The following ABCA12 variants were observed in gnomAD, a reference collection of about 807,000 sequenced individuals.
The protein encoded by ABCA12 is glucosylceramide transporter ABCA12.
ABCA12 carries 156 observed loss-of-function variants against 293.5 expected under a neutral mutation model. The observed-to-expected ratio is 0.53, with a 90% CI of 0.47 to 0.61. ABCA12 has a LOEUF of 0.61. ABCA12 is among the 20% of genes least tolerant of loss of function. The pLI is 0.00. For missense variants in ABCA12, 2,797 were observed against 3,090.2 expected (o/e 0.91, Z 2.25); for synonymous variants, 1,063 against 1,108.0 (o/e 0.96, Z 0.81).
chr2:215,017,747 G>T, intron 14 of ABCA12: 1 of 432,780 alleles, frequency 2.3e-6, no homozygotes, highest in South Asian at 2.3e-5. Context: ...AAGCCATCTG[G>T]GGGTAAGGAA....
chr2:215,008,471 G>A (rs1700301761), intron 18 of ABCA12, among the ~76,000 whole-genome samples: 1 of 151,614 alleles, frequency 6.6e-6, no homozygotes, highest in Non-Finnish European at 1.5e-5. Flanking sequence ...AGTAAATTCG[G>A]TGTTATAAAA....
At chr2:214,933,679 G>A (rs957092814) in intron 52 of ABCA12, among the ~76,000 whole-genome samples, 5 of 152,084 alleles carry the variant, frequency 3.3e-5, no homozygotes, top group African/African-American at 1.2e-4. Context: ...AGATCTAAAG[G>A]TCTGACACCA....
chr2:215,052,539 G>T lies in ABCA12; in HGVS notation c.455C>A (p.Thr152Lys), dbSNP rs757546415. The T allele has an allele frequency of 1.1e-5, 18 of 1,612,612 alleles. 1 individual carries two copies. In the African/African-American group the frequency reaches 2.1e-4, roughly 19 times the overall value. ...CACTTGACTGCCATTGAAAGTATATGTTCCGGGGATTTCCAAATCAGAACT... is the reference window on the plus strand; with the variant it reads ...CACTTGACTGCCATTGAAAGTATATTTTCCGGGGATTTCCAAATCAGAACT... ...SPSSDLEIPG[T>K]YTFNGSQVLA... is the part of the protein sequence containing the mutation. Residue 152 changes from threonine to lysine, a missense_variant, in exon 5 of 53, where the codon ACA (threonine) becomes AAA (lysine). Around this residue, in one of 3 missense-constraint regions of ABCA12, gnomAD observed 656 missense variants for 638.2 expected, o/e 1.03. Coordinates refer to ENST00000272895, the MANE Select transcript of ABCA12 (RefSeq NM_173076.3).
intron 2 of ABCA12, among the ~76,000 whole-genome samples, chr2:215,089,201 T>A (rs1235832984): frequency 1.3e-5 from 2 of 152,206 alleles, no homozygotes; most frequent in Admixed American, 1.3e-4. Flanking sequence ...TGCTTTATTT[T>A]TTTTTCCCAG....
chr2:215,050,569 C>A (rs2106055318), intron 5 of ABCA12, among the ~76,000 whole-genome samples: 1 of 152,174 alleles, frequency 6.6e-6, no homozygotes, highest in South Asian at 2.1e-4. Flanking sequence ...AGTTGTCAGA[C>A]TTAAGGGGTC....
rs1329120207 is a variant in ABCA12 at position 214,978,176 on chromosome 2, G to A, written c.5128+140C>T. ...ATGAATATTTTATATCTTAAAAAAGGAGGCTTAAATTTCCTTAGTGTTTTT... is the reference window on the plus strand; with the variant it reads ...ATGAATATTTTATATCTTAAAAAAGAAGGCTTAAATTTCCTTAGTGTTTTT... On this transcript the variant is annotated intron_variant, in intron 33 of 52. Transcript: ENST00000272895. 3.2e-6 allele frequency: 3 copies of A among 943,102 alleles called. No individual in the cohort carries two copies. In the African/African-American group the frequency reaches 5.0e-5, roughly 16 times the overall value. 58.4% of individuals were successfully genotyped at this position (943,102 alleles called of 1,614,324 possible).
At chr2:215,093,718 C>G (rs1350357775) in intron 2 of ABCA12, among the ~76,000 whole-genome samples, 2 of 152,214 alleles carry the variant, frequency 1.3e-5, no homozygotes, top group South Asian at 2.1e-4. Context: ...CTTCCTCACA[C>G]CTGATGCATA....
Position 214,935,410 on chromosome 2 carries a change from C to T in ABCA12, c.7543-1195G>A, listed in dbSNP as rs1402540754. Among the ~76,000 whole-genome samples, 3 of 152,158 alleles carry T rather than the reference C, an allele frequency of 2.0e-5. No homozygotes were observed. In the East Asian group the frequency reaches 5.8e-4, roughly 29 times the overall value. ...CCCAGAAATCCACTAAAAGAGAAAG[C>T]ATTACTACCAACACAATTTGTGCAA... On this transcript the variant is annotated intron_variant, in intron 51 of 52. Coordinates refer to ENST00000272895, the MANE Select transcript of ABCA12 (RefSeq NM_173076.3).
Position 215,045,866 on chromosome 2 carries a change from A to T in ABCA12, c.843T>A (p.Asn281Lys). The T allele has an allele frequency of 2.5e-6, 4 of 1,613,614 alleles. No homozygotes were observed. The highest frequency in any genetic ancestry group is 3.4e-6 in the Non-Finnish European group (4 of 1,179,730). ...NVFQNDTSLS[N>K]LFDVLRKANS... ...TTGCCTTTCGAAGAACATCAAATAG[A>T]TTGCTTAGTGATGTGTCATTCTGAA... Residue 281 changes from asparagine to lysine, a missense_variant, in exon 7 of 53, where the codon AAT becomes AAA. By Grantham distance (94) the Asn-to-Lys change is moderately conservative (BLOSUM62 0). Transcript: ENST00000272895.
chr2:214,960,520 TG>T (rs1699082110), intron 39 of ABCA12: 1 of 152,150 alleles, frequency 6.6e-6, no homozygotes, highest in African/African-American at 2.4e-5. Context: ...GTGTCACAGT[TG>T]GGGACCTGTA....
At chr2:215,105,256 T>C (rs1441554305) in intron 2 of ABCA12, among the ~76,000 whole-genome samples, 1 of 151,792 alleles carries the variant, frequency 6.6e-6, no homozygotes, top group Non-Finnish European at 1.5e-5. Flanking sequence ...TAAAGGAAAA[T>C]TGATTGGGGT....
At chr2:214,978,510 T>A in intron 32 of ABCA12, 44 bp from the exon 33 acceptor site, 1 of 1,597,398 alleles carries the variant, frequency 6.3e-7, no homozygotes, top group Non-Finnish European at 8.6e-7. Context: ...GAAAAGTGCA[T>A]GTCTTTTCTC....
chr2:215,119,752 A>AAAAAAAAAAAAAAAAAAC (rs1203424589), intron 1 of ABCA12, among the ~76,000 whole-genome samples: 35 of 142,982 alleles, frequency 2.4e-4, no homozygotes, highest in African/African-American at 1.0e-3. Flanking sequence ...AAAAAAAAAA[A>AAAAAAAAAAAAAAAAAAC]TGAAAACAAA....
intron 2 of ABCA12, chr2:215,080,923 C>G (rs1422394112): frequency 6.6e-6 from 1 of 152,258 alleles, no homozygotes; most frequent in Non-Finnish European, 1.5e-5. Context: ...TTTCCTCCCC[C>G]TCAGAACCAT....
rs137996864 is a variant in ABCA12 at position 215,125,935 on chromosome 2, C to T, written c.69+12205G>A. Among the ~76,000 whole-genome samples the T allele has an allele frequency of 2.6e-3, 393 of 152,262 alleles. 3 individuals are homozygous for T. The highest frequency in any genetic ancestry group is 9.2e-3 in the African/African-American group (382 of 41,546). ...AGTATTATGTTGGCTGTGGGTTTGT[C>T]ATAGATGGCTTTTATTACATTAAGG... On this transcript the variant is annotated intron_variant, in intron 1 of 52. Coordinates refer to ENST00000272895, the MANE Select transcript of ABCA12 (RefSeq NM_173076.3).
At chr2:214,940,958 T>A (rs1012996621) in intron 50 of ABCA12, among the ~76,000 whole-genome samples, 12 of 152,162 alleles carry the variant, frequency 7.9e-5, no homozygotes, top group Admixed American at 6.5e-4. Flanking sequence ...CGAGTCTCTA[T>A]TTCCTTCAGT....
Position 214,949,024 on chromosome 2 carries a change from C to T in ABCA12, c.6962+16G>A. 1 of 1,577,888 alleles carries T rather than the reference C, an allele frequency of 6.3e-7. No individual in the cohort carries two copies. The highest frequency in any genetic ancestry group is 8.7e-7 in the Non-Finnish European group (1 of 1,147,220). On this transcript the variant is annotated intron_variant, in intron 46 of 52. Transcript: ENST00000272895. The stretch of plus-strand genomic sequence containing the variant: ...GTATGTTGTACTCGCTAAATTGAAG[C>T]ATTAGTTTTTCATACCCGGTCTTAT...
At chr2:214,992,448 GAAAAAAAAAAAATGAAA>G (rs1174445079) in intron 23 of ABCA12, among the ~76,000 whole-genome samples, 5 of 36,240 alleles carry the variant, frequency 1.4e-4, no homozygotes, top group Admixed American at 3.8e-4. Flanking sequence ...GTCTCAAAAA[GAAAAAAAAAAAATGAAA>G]AAAAAAAAAA....
intron 2 of ABCA12, among the ~76,000 whole-genome samples, chr2:215,105,975 G>A (rs1702456657): frequency 6.6e-6 from 1 of 152,142 alleles, no homozygotes; most frequent in Admixed American, 6.5e-5. Flanking sequence ...GATAGCAAAT[G>A]AAATTATTTC....
Sources: allele counts gnomAD v4.1 joint callset (sites outside exome capture counted in the v4.1 genomes callset), GRCh38; gene constraint gnomAD v4.1.1; regional missense constraint gnomAD v4.1.1; transcripts MANE v1.5; gene names NCBI Gene and HGNC (gene_info 2026-07-23, HGNC 2026-07-21).